Variants in VMP1 observed in about 807,000 individuals in gnomAD.
VMP1 encodes ectopic P-granules autophagy protein 3 homolog.
A neutral mutation model predicts 56.0 loss-of-function variants in VMP1; 11 were observed. The observed-to-expected ratio is 0.20, with a 90% CI of 0.12 to 0.32. VMP1 has a LOEUF of 0.32. Ranked by LOEUF, VMP1 falls within the 10% of genes least tolerant of loss-of-function variation. The pLI is 1.00. For synonymous variants in VMP1, 149 were observed against 165.0 expected, an observed-to-expected ratio of 0.90 and a Z score of 0.74; for missense variants, 296 against 490.3, an observed-to-expected ratio of 0.60 and a Z score of 3.74.
chr17:59,832,182 CTTTTTTTTTT>C (rs766864144), intron 10 of VMP1, among the ~76,000 whole-genome samples: 7 of 102,784 alleles, frequency 6.8e-5, no homozygotes, highest in South Asian at 2.9e-4. Context: ...ATGAGATCAA[CTTTTTTTTTT>C]TTTTTTTTTT....
At chr17:59,763,153 C>CT (rs538324866) in intron 5 of VMP1, among the ~76,000 whole-genome samples, 33 of 148,264 alleles carry the variant, frequency 2.2e-4, no homozygotes, top group Admixed American at 4.0e-4. Context: ...CTGATTTCTT[C>CT]TTTTTTTTTT....
At chr17:59,821,147 T>C (rs2038434883) in intron 10 of VMP1, among the ~76,000 whole-genome samples, 1 of 151,814 alleles carries the variant, frequency 6.6e-6, no homozygotes, top group Non-Finnish European at 1.5e-5. Context: ...ATTTTTTGTA[T>C]TGTTAATAGA....
At chr17:59,719,508 A>G (rs756093247) in intron 1 of VMP1, among the ~76,000 whole-genome samples, 1 of 152,028 alleles carries the variant, frequency 6.6e-6, no homozygotes, top group Non-Finnish European at 1.5e-5. Context: ...TAAAGAAAGT[A>G]TGTTCGTTTT....
chr17:59,770,321 G>A (rs1208014711), intron 6 of VMP1, among the ~76,000 whole-genome samples: 1 of 152,108 alleles, frequency 6.6e-6, no homozygotes, highest in African/African-American at 2.4e-5. Flanking sequence ...ATTTTCCAAA[G>A]GTGCAGAGAA....
intron 7 of VMP1, among the ~76,000 whole-genome samples, chr17:59,794,173 G>T (rs1308147380): frequency 6.8e-6 from 1 of 146,400 alleles, no homozygotes; most frequent in Non-Finnish European, 1.5e-5. Flanking sequence ...GCCTGCCTCA[G>T]CCTCCCAAAG....
intron 7 of VMP1, among the ~76,000 whole-genome samples, chr17:59,780,835 G>A (rs528140897): frequency 3.3e-5 from 5 of 152,194 alleles, no homozygotes; most frequent in Admixed American, 2.0e-4. Flanking sequence ...TGATCCACCC[G>A]CCTGGGCCTC....
chr17:59,724,502 G>A (rs1172301724), intron 1 of VMP1, among the ~76,000 whole-genome samples: 3 of 151,912 alleles, frequency 2.0e-5, no homozygotes, highest in East Asian at 3.9e-4. Flanking sequence ...ACAACATGGC[G>A]AAACCCCATC....
rs1278302063 is a variant in VMP1, at chr17:59,784,138, T to TGA, written c.714+10254_714+10255insAG. ...GTGTGTGTGTGTGTGTGTGTGTGTG[T>TGA]GTGTGAGAGAGAGAGAGAGATTGGA... On this transcript the variant is annotated intron_variant, in intron 7 of 11. Coordinates refer to ENST00000262291, the MANE Select transcript of VMP1 (RefSeq NM_030938.5). Among the ~76,000 whole-genome samples the TGA allele has an allele frequency of 1.8e-3, 239 of 132,496 alleles. 1 individual carries two copies. Among genetic ancestry groups the TGA allele is most frequent in the South Asian group, 4.7e-3 (20 of 4,252 alleles). The allele number at this position is 132,496 out of a possible 152,430, so 86.9% of individuals were successfully genotyped here. A position where few individuals can be genotyped will look rare whatever the true frequency, so the allele number is the denominator to read the frequency against.
intron 7 of VMP1, among the ~76,000 whole-genome samples, chr17:59,805,604 G>A (rs2037818259): frequency 7.0e-6 from 1 of 142,388 alleles, no homozygotes; most frequent in Non-Finnish European, 1.5e-5. Flanking sequence ...TAAATAAATA[G>A]AAAATTCTAA....
At chr17:59,805,068 G>A (rs2037800908) in intron 7 of VMP1, among the ~76,000 whole-genome samples, 1 of 152,058 alleles carries the variant, frequency 6.6e-6, no homozygotes, top group African/African-American at 2.4e-5. Flanking sequence ...CCATTAAAAA[G>A]GCACTTTACT....
intron 7 of VMP1, among the ~76,000 whole-genome samples, chr17:59,795,489 A>T (rs1006995321): frequency 1.3e-5 from 2 of 151,128 alleles, no homozygotes; most frequent in Non-Finnish European, 2.9e-5. Context: ...TACATCTTTG[A>T]TATGAACATG....
At chr17:59,787,598 G>C (rs1416009056) in intron 7 of VMP1, among the ~76,000 whole-genome samples, 1 of 152,088 alleles carries the variant, frequency 6.6e-6, no homozygotes, top group Admixed American at 6.5e-5. Context: ...GAGGCGGGTG[G>C]ATCACCTGAG....
intron 7 of VMP1, among the ~76,000 whole-genome samples, chr17:59,788,431 G>A (rs375673683): frequency 1.3e-5 from 2 of 151,322 alleles, no homozygotes; most frequent in African/African-American, 4.9e-5. Flanking sequence ...ACATTTTAGT[G>A]AGCCGAGATC....
intron 11 of VMP1, 147 bp from the exon 12 acceptor site, chr17:59,839,620 AT>A: frequency 2.1e-6 from 2 of 932,472 alleles, no homozygotes; most frequent in South Asian, 3.6e-5. Context: ...AGTAATGGAG[AT>A]TTCAGAGTAG....
At chr17:59,822,902 C>T (rs991969425) in intron 10 of VMP1, among the ~76,000 whole-genome samples, 38 of 151,938 alleles carry the variant, frequency 2.5e-4, no homozygotes, top group Non-Finnish European at 3.8e-4. Context: ...CATAGTAAGA[C>T]TCTGTCTGTC....
chr17:59,824,581 A>C (rs562589906), intron 10 of VMP1, among the ~76,000 whole-genome samples: 1 of 149,390 alleles, frequency 6.7e-6, no homozygotes, highest in African/African-American at 2.5e-5. Context: ...TAAAAAAAAA[A>C]AAAAAAAAGG....
At position 59,808,731 on chromosome 17, in the gene VMP1, A is replaced by G. The variant is rs2144212244; in HGVS notation, c.715-65A>G. 1.3e-5 allele frequency: 17 copies of G among 1,338,404 alleles called. No homozygotes were observed. In the South Asian group the frequency reaches 1.3e-4, roughly 11 times the overall value. The allele number at this position is 1,338,404 out of a possible 1,614,324, so 82.9% of individuals were successfully genotyped here. On this transcript the variant is annotated intron_variant, in intron 7 of 11. Coordinates refer to ENST00000262291, the MANE Select transcript of VMP1 (RefSeq NM_030938.5). The stretch of plus-strand genomic sequence containing the variant: ...GATTGGGAGATCTTTAATAAACTCT[A>G]GAAAGAACCATCTTTCCTTCTTTTC...
At chr17:59,809,206 A>G (rs1048561456) in intron 8 of VMP1, among the ~76,000 whole-genome samples, 6 of 151,152 alleles carry the variant, frequency 4.0e-5, no homozygotes, top group South Asian at 2.1e-4. Flanking sequence ...CATGTTGCCC[A>G]GGCTAGTCTC....
At chr17:59,796,175 C>T (rs978553360) in intron 7 of VMP1, among the ~76,000 whole-genome samples, 7 of 152,104 alleles carry the variant, frequency 4.6e-5, no homozygotes, top group Non-Finnish European at 1.0e-4. Flanking sequence ...GGAAAAAACT[C>T]GCCAGAACTC....
Sources: allele counts gnomAD v4.1 joint callset (sites outside exome capture counted in the v4.1 genomes callset), GRCh38; gene constraint gnomAD v4.1.1; transcripts MANE v1.5; gene names NCBI Gene and HGNC (gene_info 2026-07-23, HGNC 2026-07-21).